The following CHM variants were observed in gnomAD, a reference collection of about 807,000 sequenced individuals.
The protein encoded by CHM is CHM Rab escort protein, also known as rab proteins geranylgeranyltransferase component A 1.
CHM carries 10 observed loss-of-function variants against 49.0 expected under a neutral mutation model. The ratio of observed to expected loss-of-function variants is 0.20; its 90% confidence interval spans 0.13 to 0.35. The LOEUF (loss-of-function observed/expected upper bound fraction) is 0.35. Among genes scored for constraint, CHM ranks in the 10% least tolerant of loss-of-function variants. The pLI, the probability that CHM is intolerant of heterozygous loss-of-function variation, is 1.00. For synonymous variants in CHM, 184 were observed against 167.5 expected (o/e 1.10, Z -0.76); for missense variants, 455 against 478.4 (o/e 0.95, Z 0.46).
intron 2 of CHM, among the ~76,000 whole-genome samples, chrX:85,984,667 T>C (rs1056026745): frequency 8.9e-6 from 1 of 111,996 alleles, no homozygotes; most frequent in African/African-American, 3.2e-5. Context: ...ACAGCAGCTT[T>C]ATTAATAGCC....
At chrX:85,981,999 T>C (rs1382749295) in intron 2 of CHM, among the ~76,000 whole-genome samples, 190 bp from the exon 3 acceptor site, 1 of 111,337 alleles carries the variant, frequency 9.0e-6, no homozygotes, top group Non-Finnish European at 1.9e-5. Context: ...AGTAGGCCTC[T>C]CAGATCCCAA....
At chrX:85,961,877 T>C (rs1930315781) in intron 5 of CHM, among the ~76,000 whole-genome samples, 1 of 111,083 alleles carries the variant, frequency 9.0e-6, no homozygotes, top group Admixed American at 9.6e-5. Context: ...CTTCAGGGTA[T>C]CTTCAAATGT....
intron 8 of CHM, among the ~76,000 whole-genome samples, chrX:85,914,465 C>A (rs1280435988): frequency 7.2e-5 from 8 of 111,019 alleles, no homozygotes; most frequent in African/African-American, 2.6e-4. Context: ...CAGTCTCCAC[C>A]TTCCCATCAG....
intron 2 of CHM, among the ~76,000 whole-genome samples, chrX:85,993,196 A>G (rs757199331): frequency 4.5e-5 from 5 of 111,470 alleles, no homozygotes; most frequent in Non-Finnish European, 9.4e-5. Flanking sequence ...TAAAAGTCCC[A>G]GATGTACTTT....
intron 4 of CHM, among the ~76,000 whole-genome samples, chrX:85,965,735 C>T (rs1930548188): frequency 9.0e-6 from 1 of 111,211 alleles, no homozygotes; most frequent in Non-Finnish European, 1.9e-5. Context: ...GATAGAATAA[C>T]ACTCAAATGT....
rs1167691945 is a variant in CHM, at chrX:86,026,102, C to CTTTTTTTTTTTTTTTTTT, written c.116+1371_116+1388dup. On this transcript the variant is annotated intron_variant, in intron 2 of 14. Coordinates refer to ENST00000357749, the MANE Select transcript of CHM (RefSeq NM_000390.4). ...CTGGGCTTTCAAGGTAGCAGATTTT[C>CTTTTTTTTTTTTTTTTTT]TTTTTTTTTTTTTTTTTTTTTTTTT... Among the ~76,000 whole-genome samples, 9 of 26,760 alleles carry CTTTTTTTTTTTTTTTTTT rather than the reference C, an allele frequency of 3.4e-4. 3 individuals carry two copies. Among genetic ancestry groups the CTTTTTTTTTTTTTTTTTT allele is most frequent in the Non-Finnish European group, 6.0e-4 (8 of 13,231 alleles). The allele number at this position is 26,760 out of a possible 115,157, so 23.2% of individuals were successfully genotyped here.
At chrX:85,906,807 A>G (rs1465910958) in intron 9 of CHM, among the ~76,000 whole-genome samples, 1 of 112,130 alleles carries the variant, frequency 8.9e-6, no homozygotes, top group African/African-American at 3.2e-5. Context: ...TTGGTCTCAC[A>G]TTCTATTCAT....
intron 8 of CHM, among the ~76,000 whole-genome samples, 173 bp from the exon 9 acceptor site, chrX:85,911,511 A>C (rs1399199044): frequency 1.8e-5 from 2 of 108,308 alleles, no homozygotes; most frequent in African/African-American, 3.4e-5. Flanking sequence ...AAGATTAGTA[A>C]TATCTTGACA....
At chrX:85,960,123 T>C (rs2147669447) in intron 5 of CHM, among the ~76,000 whole-genome samples, 1 of 111,642 alleles carries the variant, frequency 9.0e-6, no homozygotes, top group African/African-American at 3.2e-5. Flanking sequence ...TATTGCCAAT[T>C]CTTAACTCTA....
In CHM at chrX:86,035,264, T is replaced by A. The variant is rs187993533; in HGVS notation, c.50-7707A>T. On this transcript the variant is annotated intron_variant, in intron 1 of 14. Coordinates refer to ENST00000357749, the MANE Select transcript of CHM (RefSeq NM_000390.4). Reference sequence around the variant, plus strand: ...TCAGTTGAATCACATTCAATGTACATTGGAAAAAAGGGAATAAGGAACAAA... The same window carrying A: ...TCAGTTGAATCACATTCAATGTACAATGGAAAAAAGGGAATAAGGAACAAA... 3.4e-3 allele frequency among the ~76,000 whole-genome samples: 382 copies of A among 111,578 alleles called. 2 individuals carry two copies. Among genetic ancestry groups the A allele is most frequent in the Admixed American group, 6.2e-3 (65 of 10,552 alleles).
intron 8 of CHM, among the ~76,000 whole-genome samples, chrX:85,931,466 AAC>A (rs1186034273): frequency 8.9e-6 from 1 of 112,239 alleles, no homozygotes; most frequent in African/African-American, 3.2e-5. Context: ...TTTTCATCCA[AAC>A]AAGAAATCTA....
chrX:85,900,141 T>C (rs1199169855), intron 11 of CHM, among the ~76,000 whole-genome samples: 1 of 111,637 alleles, frequency 9.0e-6, no homozygotes, highest in East Asian at 2.8e-4. Flanking sequence ...TTTTTAAAAA[T>C]GGGGTGTGTG....
chrX:86,008,429 T>C lies in CHM; in HGVS notation c.116+19062A>G, dbSNP rs940432467. Among the ~76,000 whole-genome samples the C allele has an allele frequency of 1.3e-4, 15 of 111,454 alleles. 1 individual carries two copies. Among genetic ancestry groups the C allele is most frequent in the African/African-American group, 3.6e-4 (11 of 30,646 alleles). The stretch of plus-strand genomic sequence containing the variant: ...TAATAAAAAAAACTGCCATGACACA[T>C]GTTCATGGCACCTATATTTTAAAAA... On this transcript the variant is annotated intron_variant, in intron 2 of 14. Transcript: ENST00000357749.
intron 3 of CHM, among the ~76,000 whole-genome samples, chrX:85,980,667 T>C (rs912258000): frequency 8.9e-6 from 1 of 112,057 alleles, no homozygotes; most frequent in Non-Finnish European, 1.9e-5. Context: ...GTTTCTGATC[T>C]TCTGTATGAT....
rs886041178 is a variant in CHM at position 85,958,923 on chromosome X, G to T, written c.757C>A (p.Arg253=). 25 of 1,209,321 alleles carry T rather than the reference G, an allele frequency of 2.1e-5. No homozygotes were observed. Among genetic ancestry groups the T allele is most frequent in the Non-Finnish European group, 2.7e-5 (24 of 894,996 alleles). ...IDLLIKSNVS[R]YAEFKNITRI... ...GTAATATTTTTAAACTCTGCATATC[G>T]ACTAACATTAGATTTGATTAGAAGA... is the stretch of plus-strand genomic sequence containing the variant. The change falls in exon 6 of 15, where the codon CGA becomes AGA. Residue 253 remains arginine (R), a synonymous_variant. Transcript: ENST00000357749.
At chrX:85,867,496 T>C in intron 14 of CHM, among the ~76,000 whole-genome samples, 1 of 112,523 alleles carries the variant, frequency 8.9e-6, no homozygotes, top group East Asian at 2.8e-4. Flanking sequence ...TAATTTAGCA[T>C]ATAGTAATTT....
At chrX:85,970,517 C>T (rs188962670) in intron 4 of CHM, 3 of 707,782 alleles carry the variant, frequency 4.2e-6, no homozygotes, top group African/African-American at 2.4e-5. Context: ...AAATAGCACA[C>T]GTTTTTGAGT....
chrX:85,909,025 G>A (rs1926769338), intron 9 of CHM, among the ~76,000 whole-genome samples: 1 of 111,766 alleles, frequency 8.9e-6, no homozygotes, highest in East Asian at 2.8e-4. Context: ...AAGATATCCA[G>A]AGATTACTGC....
At chrX:85,915,004 C>A (rs1336963089) in intron 8 of CHM, among the ~76,000 whole-genome samples, 1 of 110,057 alleles carries the variant, frequency 9.1e-6, no homozygotes, top group African/African-American at 3.3e-5. Context: ...CCAACTTATA[C>A]CACAAACAAA....
Sources: allele counts gnomAD v4.1 joint callset (sites outside exome capture counted in the v4.1 genomes callset), GRCh38; gene constraint gnomAD v4.1.1; transcripts MANE v1.5; gene names NCBI Gene and HGNC (gene_info 2026-07-23, HGNC 2026-07-21).